TSPAN16: variants seen among roughly 807,000 people sequenced by gnomAD.
TSPAN16 encodes the protein tetraspanin 16, also known as tetraspanin-16.
In TSPAN16, 23 loss-of-function variants were observed where a neutral mutation model predicts 25.2. The observed-to-expected ratio is 0.91, with a 90% CI of 0.66 to 1.29. The LOEUF is 1.29. Ranked by LOEUF, TSPAN16 falls within the 50% of genes most tolerant of loss-of-function variation. The probability of loss-of-function intolerance (pLI) is 0.00; values close to 1 mark genes in which losing one functional copy is unlikely to be tolerated. For missense variants in TSPAN16, 272 were observed against 299.9 expected (o/e 0.91, Z 0.69); for synonymous variants, 123 against 124.4 (o/e 0.99, Z 0.08).
intron 1 of TSPAN16, 70 bp downstream of exon 1, chr19:11,296,436 A>C: frequency 6.6e-7 from 1 of 1,515,728 alleles, no homozygotes; most frequent in Non-Finnish European, 9.2e-7. Flanking sequence ...CCTGAAAGAC[A>C]GAAATAAGTT....
intron 1 of TSPAN16, 32 bp downstream of exon 1, chr19:11,296,398 G>T (rs777476783): frequency 2.5e-6 from 4 of 1,607,652 alleles, no homozygotes; most frequent in South Asian, 2.2e-5. Flanking sequence ...CCCCTGGTTT[G>T]TTGCAGCCCT....
At chr19:11,325,465 C>CTGGAG (rs1397543383) in intron 6 of TSPAN16, 1 of 1,612,318 alleles carries the variant, frequency 6.2e-7, no homozygotes, top group Non-Finnish European at 8.5e-7. Context: ...CCCGTTGCTG[C>CTGGAG]CTGAGCTGGA....
intron 6 of TSPAN16, chr19:11,323,395 A>C (rs559086019): frequency 3.3e-5 from 5 of 152,106 alleles, no homozygotes; most frequent in African/African-American, 7.2e-5. Context: ...GTTTGAGACA[A>C]GCCTCACCAA....
intron 6 of TSPAN16, chr19:11,323,109 T>C (rs577230932): frequency 1.3e-5 from 2 of 148,968 alleles, no homozygotes; most frequent in South Asian, 4.2e-4. Flanking sequence ...ACTCTCTGTC[T>C]TAAAAAAAAA....
rs201270086 is a variant in TSPAN16 at position 11,312,131 on chromosome 19, T to A, written c.604-8T>A. The A allele has an allele frequency of 4.9e-5, 79 of 1,609,420 alleles. No individual in the cohort carries two copies. The African/African-American group carries it at 7.8e-4, about 16-fold the overall frequency. On this transcript the variant is annotated splice_region_variant and splice_polypyrimidine_tract_variant and intron_variant, in intron 5 of 6. Coordinates refer to ENST00000590327, the MANE Select transcript of TSPAN16 (RefSeq NM_001282509.2). The stretch of plus-strand genomic sequence containing the variant: ...ACCTCCTGCTTGTTTTGGTGTTTGT[T>A]TCCTCAGGGCTGTTTCCATAAACTC...
At chr19:11,324,259 G>GAA (rs561740577) in intron 6 of TSPAN16, 12 of 102,600 alleles carry the variant, frequency 1.2e-4, no homozygotes, top group South Asian at 3.3e-4. Context: ...ATCTCAAAAA[G>GAA]AAAAAAAAAA....
chr19:11,325,904 T>G (rs1371430699), intron 6 of TSPAN16, among the ~76,000 whole-genome samples: 1 of 151,964 alleles, frequency 6.6e-6, no homozygotes, highest in African/African-American at 2.4e-5. Context: ...CAAGGCCCTA[T>G]CTCTACAATA....
At position 11,321,839 on chromosome 19, in the gene TSPAN16, G is replaced by A. The variant is rs2080781647; in HGVS notation, c.688-4955G>A. Among the ~76,000 whole-genome samples, 4 of 152,160 alleles carry A rather than the reference G, an allele frequency of 2.6e-5. No homozygotes were observed. The South Asian group carries it at 8.3e-4, about 32-fold the overall frequency. The stretch of plus-strand genomic sequence containing the variant: ...CCCTCTTGCTGCTGGGGAGAGAACT[G>A]AGCTTTTTACTAGAAGTAGTTGAGG... On this transcript the variant is annotated intron_variant, in intron 6 of 6. Transcript: ENST00000316737.
intron 5 of TSPAN16, among the ~76,000 whole-genome samples, chr19:11,309,855 C>T (rs1245732037): frequency 6.6e-6 from 1 of 152,150 alleles, no homozygotes; most frequent in African/African-American, 2.4e-5. Flanking sequence ...AATCCCAGTA[C>T]TTTAGGAGGC....
chr19:11,309,529 G>A (rs950435282), intron 5 of TSPAN16, among the ~76,000 whole-genome samples: 1 of 152,182 alleles, frequency 6.6e-6, no homozygotes, highest in Non-Finnish European at 1.5e-5. Context: ...CTTCCTTCAC[G>A]TCTTCCTACC....
At chr19:11,308,994 A>T (rs537634414) in intron 5 of TSPAN16, among the ~76,000 whole-genome samples, 1 of 152,214 alleles carries the variant, frequency 6.6e-6, no homozygotes, top group African/African-American at 2.4e-5. Context: ...GGATCACTTA[A>T]GTCCAGTAGT....
At chr19:11,309,158 G>A (rs920282703) in intron 5 of TSPAN16, among the ~76,000 whole-genome samples, 6 of 151,650 alleles carry the variant, frequency 4.0e-5, no homozygotes, top group African/African-American at 1.2e-4. Context: ...GCAGTGAGCC[G>A]TGATTGTGCC....
chr19:11,300,532 C>T (rs1254067412), intron 3 of TSPAN16, among the ~76,000 whole-genome samples: 1 of 152,192 alleles, frequency 6.6e-6, no homozygotes, highest in Non-Finnish European at 1.5e-5. Context: ...AGAGCCCCTG[C>T]TACTCCTGTC....
intron 6 of TSPAN16, chr19:11,323,102 C>G (rs1209731088): frequency 1.3e-5 from 2 of 149,204 alleles, no homozygotes; most frequent in East Asian, 2.0e-4. Context: ...ACGAGCGACT[C>G]TCTGTCTTAA....
Position 11,298,195 on chromosome 19 carries a change from C to G in TSPAN16, c.123C>G (p.Ala41=). 6.2e-7 allele frequency: 1 copy of G among 1,614,154 alleles called. No homozygotes were observed. Among genetic ancestry groups the G allele is most frequent in the Non-Finnish European group, 8.5e-7 (1 of 1,180,018 alleles). ...GLGIGGKCGG[A]SLTNVLGLSS... is the part of the protein sequence containing the mutation. ...GCATTGGTGGTAAATGTGGAGGGGC[C>G]TCTCTGACGAATGTCCTCGGGCTGT... The change falls in exon 2 of 7, where the codon GCC becomes GCG. Residue 41 remains alanine, a synonymous_variant. Transcript: ENST00000590327.
rs539064057 is a variant in TSPAN16 at position 11,315,235 on chromosome 19, C to T, written c.688-556C>T. Reference sequence around the variant, plus strand: ...TGGGCAACAGAGTGAGACTCCTTCTCAATAATAATAATAATAATAATAATA... The same window carrying T: ...TGGGCAACAGAGTGAGACTCCTTCTTAATAATAATAATAATAATAATAATA... On this transcript the variant is annotated intron_variant, in intron 6 of 6. Transcript: ENST00000590327. Among the ~76,000 whole-genome samples, 720 of 124,746 alleles carry T rather than the reference C, an allele frequency of 5.8e-3. 5 individuals carry two copies. Among genetic ancestry groups the T allele is most frequent in the Admixed American group, 9.4e-3 (108 of 11,464 alleles). The allele number at this position is 124,746 out of a possible 152,430, so 81.8% of individuals were successfully genotyped here.
chr19:11,302,979 A>C (rs1249107748), intron 4 of TSPAN16, among the ~76,000 whole-genome samples: 1 of 147,044 alleles, frequency 6.8e-6, no homozygotes, highest in Non-Finnish European at 1.5e-5. Flanking sequence ...CCGGGAGGTG[A>C]GGGGCGCCTC....
At chr19:11,303,771 C>T (rs2080596432) in intron 4 of TSPAN16, among the ~76,000 whole-genome samples, 1 of 151,096 alleles carries the variant, frequency 6.6e-6, no homozygotes, top group Admixed American at 6.6e-5. Context: ...ACGTCCTTGA[C>T]ACCTGTCATT....
At chr19:11,303,577 T>TAAA (rs1322861353) in intron 4 of TSPAN16, among the ~76,000 whole-genome samples, 27 of 78,294 alleles carry the variant, frequency 3.4e-4, no homozygotes, top group South Asian at 8.6e-4. Context: ...ATAAATAAAT[T>TAAA]AAAAAAAAAA....
Sources: gnomAD v4.1 joint callset for allele counts (sites outside exome capture counted in the v4.1 genomes callset) on GRCh38, gnomAD v4.1.1 for gene constraint, MANE v1.5 for transcripts, NCBI Gene and HGNC (gene_info 2026-07-23, HGNC 2026-07-21) for gene names.